Variants in TENM2 observed in about 807,000 individuals in gnomAD.
The protein encoded by TENM2 is teneurin transmembrane protein 2, also known as teneurin-2.
A neutral mutation model predicts 245.2 loss-of-function variants in TENM2; 52 were observed. The observed-to-expected ratio is 0.21, with a 90% confidence interval of 0.17 to 0.27. TENM2 has a LOEUF of 0.27. TENM2 is among the 10% of genes least tolerant of loss of function. The probability of loss-of-function intolerance (pLI) is 1.00; values close to 1 mark genes in which losing one functional copy is unlikely to be tolerated. For missense variants in TENM2, 3,046 were observed against 3,666.8 expected (o/e 0.83, Z 4.37); for synonymous variants, 1,363 against 1,438.9 (o/e 0.95, Z 1.19).
the TENM2 span, among the ~76,000 whole-genome samples, chr5:167,213,921 C>T: frequency 1.3e-5 from 2 of 152,116 alleles, no homozygotes; most frequent in Non-Finnish European, 2.9e-5. Context: ...AGCTGATGGC[C>T]AACGATTTGC....
chr5:167,157,248 A>T, the TENM2 span, among the ~76,000 whole-genome samples: 6 of 152,326 alleles, frequency 3.9e-5, no homozygotes, highest in African/African-American at 1.2e-4. Context: ...CTTGATGAAG[A>T]TGAAAAAATA....
chr5:167,385,502 A>ATT (rs151167866), intron 2 of TENM2, among the ~76,000 whole-genome samples: 4 of 126,830 alleles, frequency 3.2e-5, no homozygotes, highest in East Asian at 2.3e-4. Context: ...TTTAGGTTTA[A>ATT]TTTTTTTTTT....
At chr5:167,612,320 G>A (rs942139171) in intron 2 of TENM2, among the ~76,000 whole-genome samples, 7 of 152,050 alleles carry the variant, frequency 4.6e-5, no homozygotes, top group East Asian at 1.9e-4. Context: ...ATCAAGACAC[G>A]CATTTCCATG....
At chr5:167,062,476 A>G in the TENM2 span, among the ~76,000 whole-genome samples, 35 of 148,500 alleles carry the variant, frequency 2.4e-4, 1 homozygote, top group Admixed American at 2.2e-3. Flanking sequence ...AAAATTCACT[A>G]AGACTCCATG....
chr5:167,038,502 T>C, the TENM2 span, among the ~76,000 whole-genome samples: 1 of 152,184 alleles, frequency 6.6e-6, no homozygotes, highest in Non-Finnish European at 1.5e-5. Flanking sequence ...GTGGAGTTGT[T>C]TAAATTAATA....
intron 7 of TENM2, among the ~76,000 whole-genome samples, chr5:168,066,137 A>G (rs1445269418): frequency 6.6e-6 from 1 of 152,222 alleles, no homozygotes; most frequent in Non-Finnish European, 1.5e-5. Flanking sequence ...CTCTTAGGTT[A>G]ACAAGAACTT....
At chr5:168,151,946 C>T (rs1350661502) in intron 12 of TENM2, among the ~76,000 whole-genome samples, 1 of 152,172 alleles carries the variant, frequency 6.6e-6, no homozygotes, top group African/African-American at 2.4e-5. Flanking sequence ...ATTTTCAGTG[C>T]AAAAACTTGG....
the TENM2 span, among the ~76,000 whole-genome samples, chr5:167,209,219 C>T: frequency 2.6e-5 from 4 of 152,058 alleles, no homozygotes; most frequent in African/African-American, 9.7e-5. Flanking sequence ...AAGTACTTCG[C>T]TTTCCTGGCA....
At chr5:167,403,905 T>G (rs1762496017) in intron 2 of TENM2, among the ~76,000 whole-genome samples, 1 of 150,524 alleles carries the variant, frequency 6.6e-6, no homozygotes, top group Admixed American at 6.6e-5. Context: ...CACAACTGTT[T>G]TTTTTTTTTT....
At position 168,257,825 on chromosome 5, in the gene TENM2, A is replaced by C. The variant is rs1767813383; in HGVS notation, c.7433-2458A>C. Reference sequence around the variant, plus strand: ...GAGACGGAGTTTCACCATGTTGGACAGTCTGGTCTCAACCTCCTGACCTGG... The same window carrying C: ...GAGACGGAGTTTCACCATGTTGGACCGTCTGGTCTCAACCTCCTGACCTGG... On this transcript the variant is annotated intron_variant, in intron 27 of 28. Coordinates refer to ENST00000518659, the Ensembl canonical transcript of TENM2. 2.0e-5 allele frequency among the ~76,000 whole-genome samples: 3 copies of C among 152,090 alleles called. No homozygotes were observed. In the South Asian group the frequency reaches 6.2e-4, roughly 32 times the overall value.
the TENM2 span, among the ~76,000 whole-genome samples, chr5:167,125,597 T>C: frequency 1.3e-5 from 2 of 152,234 alleles, no homozygotes; most frequent in African/African-American, 4.8e-5. Context: ...TGATTTCTCC[T>C]AAGCTGATTC....
At chr5:168,101,168 A>G (rs1268565815) in intron 9 of TENM2, among the ~76,000 whole-genome samples, 3 of 152,152 alleles carry the variant, frequency 2.0e-5, no homozygotes, top group Non-Finnish European at 4.4e-5. Context: ...GCTTTAAAGG[A>G]AGGAAAATCT....
chr5:167,502,978 C>T (rs1444498590), intron 2 of TENM2, among the ~76,000 whole-genome samples: 7 of 152,118 alleles, frequency 4.6e-5, no homozygotes, highest in South Asian at 2.1e-4. Context: ...TACAGGCGCA[C>T]GCCACCATGC....
intron 2 of TENM2, among the ~76,000 whole-genome samples, chr5:167,638,524 A>G (rs1779360304): frequency 6.6e-6 from 1 of 152,232 alleles, no homozygotes. Flanking sequence ...TCTAATTTAT[A>G]AAGTATAATA....
At chr5:168,044,527 G>A (rs1392648175) in intron 5 of TENM2, among the ~76,000 whole-genome samples, 2 of 152,050 alleles carry the variant, frequency 1.3e-5, no homozygotes, top group Non-Finnish European at 2.9e-5. Context: ...TAATTTATAA[G>A]CATATAACAT....
chr5:167,062,004 AG>A, the TENM2 span, among the ~76,000 whole-genome samples: 1 of 151,992 alleles, frequency 6.6e-6, no homozygotes, highest in African/African-American at 2.4e-5. Context: ...ATGAAATTGC[AG>A]GGATGTGCTG....
chr5:167,726,448 T>TTTTA (rs1423521690), intron 2 of TENM2, among the ~76,000 whole-genome samples: 1 of 152,092 alleles, frequency 6.6e-6, no homozygotes, highest in Admixed American at 6.6e-5. Flanking sequence ...TTACCTTCCT[T>TTTTA]TTTATTTATT....
At chr5:167,235,920 G>C in the TENM2 span, among the ~76,000 whole-genome samples, 2 of 152,188 alleles carry the variant, frequency 1.3e-5, no homozygotes, top group African/African-American at 4.8e-5. Flanking sequence ...GAAGAGATCA[G>C]ATCTCTTAGG....
intron 2 of TENM2, among the ~76,000 whole-genome samples, chr5:167,769,884 G>A (rs554387906): frequency 1.7e-4 from 26 of 152,194 alleles, no homozygotes; most frequent in Non-Finnish European, 3.1e-4. Flanking sequence ...AGAGCTTGGT[G>A]TGGGTCTAAA....
Sources: gnomAD v4.1 joint callset for allele counts (sites outside exome capture counted in the v4.1 genomes callset) on GRCh38, gnomAD v4.1.1 for gene constraint, MANE v1.5 for transcripts, NCBI Gene and HGNC (gene_info 2026-07-23, HGNC 2026-07-21) for gene names.